Variants in TDRD5 observed in about 807,000 individuals in gnomAD.
The protein encoded by TDRD5 is tudor domain containing 5, also known as tudor domain-containing protein 5.
Under a neutral mutation model 120.6 loss-of-function variants are expected in TDRD5, and 41 were observed. The ratio of observed to expected loss-of-function variants is 0.34; its 90% CI spans 0.26 to 0.44. The LOEUF (loss-of-function observed/expected upper bound fraction) is 0.44. Among genes scored for constraint, TDRD5 ranks in the 20% least tolerant of loss-of-function variants. TDRD5 has a pLI of 1.00. For synonymous variants in TDRD5, 430 were observed against 433.7 expected (o/e 0.99, Z 0.11); for missense variants, 1,006 against 1,221.2 (o/e 0.82, Z 2.63).
At chr1:179,688,628 C>A (rs556266079) in intron 17 of TDRD5, among the ~76,000 whole-genome samples, 74 of 152,268 alleles carry the variant, frequency 4.9e-4, no homozygotes, top group Admixed American at 8.5e-4. Flanking sequence ...TGGATAATAT[C>A]CTGCAGAGTG....
chr1:179,637,743 T>C (rs913952291), intron 9 of TDRD5, among the ~76,000 whole-genome samples: 12 of 151,824 alleles, frequency 7.9e-5, no homozygotes, highest in South Asian at 2.1e-4. Flanking sequence ...CTGTAACTAC[T>C]GTGTGCTTCG....
intron 10 of TDRD5, 143 bp from the exon 11 acceptor site, chr1:179,640,236 C>G (rs1370616651): frequency 1.8e-6 from 2 of 1,081,628 alleles, no homozygotes; most frequent in Non-Finnish European, 2.7e-6. Flanking sequence ...CTTGTGTTAT[C>G]TTTTACATGA....
At chr1:179,677,358 G>C (rs1358756585) in intron 17 of TDRD5, among the ~76,000 whole-genome samples, 2 of 152,044 alleles carry the variant, frequency 1.3e-5, no homozygotes, top group Admixed American at 1.3e-4. Flanking sequence ...TGGCAATTCA[G>C]AGATTTCATC....
At chr1:179,644,567 T>C (rs1262072580) in intron 11 of TDRD5, among the ~76,000 whole-genome samples, 1 of 152,164 alleles carries the variant, frequency 6.6e-6, no homozygotes, top group Non-Finnish European at 1.5e-5. Context: ...AATTAAAATG[T>C]AGTATTTATA....
At position 179,652,214 on chromosome 1, in the gene TDRD5, A is replaced by G; in HGVS notation, c.2160+17A>G. On this transcript the variant is annotated intron_variant, in intron 13 of 17. Transcript: ENST00000444136. The stretch of plus-strand genomic sequence containing the variant: ...CGTATCTTGGTAAGAGATTTTTGCA[A>G]ATACTATTATAATTCTTTTTATTAC... The G allele has an allele frequency of 6.3e-7, 1 of 1,589,580 alleles. No individual in the cohort carries two copies. Among genetic ancestry groups the G allele is most frequent in the Non-Finnish European group, 8.5e-7 (1 of 1,173,078 alleles).
In TDRD5 at chr1:179,650,854, G is replaced by A. The variant is rs770678156; in HGVS notation, c.1801-13G>A. On this transcript the variant is annotated splice_polypyrimidine_tract_variant and intron_variant, in intron 11 of 17. Transcript: ENST00000444136. ...ATCTATCACCTGAATCCAATATCTT[G>A]ATCATATTTCAGGAACACTGGACAT... is the stretch of plus-strand genomic sequence containing the variant. 8 of 1,613,612 alleles carry A rather than the reference G, an allele frequency of 5.0e-6. No homozygotes were observed. In the Middle Eastern group the frequency reaches 4.9e-4, roughly 99 times the overall value.
intron 4 of TDRD5, among the ~76,000 whole-genome samples, chr1:179,607,061 A>G (rs1258792113): frequency 6.6e-6 from 1 of 152,138 alleles, no homozygotes; most frequent in African/African-American, 2.4e-5. Flanking sequence ...GAGTTTTTCT[A>G]TCCATGAACA....
chr1:179,676,126 T>G (rs910133728), intron 17 of TDRD5, among the ~76,000 whole-genome samples: 2 of 152,248 alleles, frequency 1.3e-5, no homozygotes, highest in Admixed American at 1.3e-4. Flanking sequence ...CTTTTTTAAC[T>G]GCAGCTGCTT....
At chr1:179,610,038 G>A (rs1676201278) in intron 4 of TDRD5, among the ~76,000 whole-genome samples, 1 of 152,150 alleles carries the variant, frequency 6.6e-6, no homozygotes, top group South Asian at 2.1e-4. Flanking sequence ...TGGGCAGGGT[G>A]TAGGAGGGGT....
chr1:179,639,596 T>C (rs942862245), intron 9 of TDRD5, among the ~76,000 whole-genome samples: 18 of 152,180 alleles, frequency 1.2e-4, no homozygotes, highest in African/African-American at 4.3e-4. Context: ...GTACATTCTA[T>C]CCAGCAGAGA....
intron 17 of TDRD5, among the ~76,000 whole-genome samples, chr1:179,677,921 ACTCAGGTTT>A (rs1680221468): frequency 6.6e-6 from 1 of 152,266 alleles, no homozygotes; most frequent in Middle Eastern, 3.4e-3. Flanking sequence ...CTGGTTAAGT[ACTCAGGTTT>A]CTCAGGCAGT....
chr1:179,630,743 G>A (rs1413744245), intron 6 of TDRD5, 24 bp from the exon 7 acceptor site: 1 of 1,609,096 alleles, frequency 6.2e-7, no homozygotes, highest in African/African-American at 1.3e-5. Context: ...GCTGTTTCAT[G>A]TAATTTCTAT....
Position 179,638,679 on chromosome 1 carries a change from C to T in TDRD5, c.1521-1160C>T, listed in dbSNP as rs1677893576. On this transcript the variant is annotated intron_variant, in intron 9 of 17. Coordinates refer to ENST00000444136, the MANE Select transcript of TDRD5 (RefSeq NM_001199085.3). Reference sequence around the variant, plus strand: ...TCACGTGGTCTTGGGTGTGGCTGACCACTACCACCACCCAGTCATCCTGCC... The same window carrying T: ...TCACGTGGTCTTGGGTGTGGCTGACTACTACCACCACCCAGTCATCCTGCC... Among the ~76,000 whole-genome samples, 2 of 126,854 alleles carry T rather than the reference C, an allele frequency of 1.6e-5. 1 individual carries two copies. Among genetic ancestry groups the T allele is most frequent in the Admixed American group, 1.7e-4 (2 of 11,538 alleles). The allele number at this position is 126,854 out of a possible 152,430, so 83.2% of individuals were successfully genotyped here.
In TDRD5 at chr1:179,690,816, GCCAGATTTCTCAGAAGCTCTACA is replaced by G; in HGVS notation, c.2982_3004del (p.Gln995SerfsTer51). On this transcript the variant is annotated frameshift_variant, in exon 18 of 18. Transcript: ENST00000444136. LOFTEE classifies it high-confidence loss of function. ...CTGTCTTTGATTTTGTCTTATGAGTGCCAGATTTCTCAGAAGCTCTACATTCCTCGAAGTACAGCCACTGCTGC... is the reference window on the plus strand; with the variant it reads ...CTGTCTTTGATTTTGTCTTATGAGTGTTCCTCGAAGTACAGCCACTGCTGC... 1 of 1,614,232 alleles carries G rather than the reference GCCAGATTTCTCAGAAGCTCTACA, an allele frequency of 6.2e-7. No homozygotes were observed.
intron 14 of TDRD5, among the ~76,000 whole-genome samples, chr1:179,660,708 T>C (rs2102095407): frequency 1.3e-5 from 2 of 152,304 alleles, no homozygotes; most frequent in African/African-American, 2.4e-5. Flanking sequence ...TAGTTTTTGC[T>C]TTCCATCTTC....
At chr1:179,641,064 A>G (rs1678018482) in intron 11 of TDRD5, among the ~76,000 whole-genome samples, 2 of 152,132 alleles carry the variant, frequency 1.3e-5, no homozygotes, top group Non-Finnish European at 2.9e-5. Flanking sequence ...TCATGTATGT[A>G]GGTGCATTTA....
intron 6 of TDRD5, among the ~76,000 whole-genome samples, chr1:179,623,497 T>A (rs1294838400): frequency 6.6e-6 from 1 of 152,146 alleles, no homozygotes; most frequent in African/African-American, 2.4e-5. Context: ...TTTGAAGTGG[T>A]ACAGTAGGAC....
At chr1:179,625,478 C>G (rs557440710) in intron 6 of TDRD5, among the ~76,000 whole-genome samples, 1 of 152,218 alleles carries the variant, frequency 6.6e-6, no homozygotes, top group African/African-American at 2.4e-5. Context: ...AATAGAAAGC[C>G]AAACAATTCT....
At chr1:179,678,782 C>T (rs898212520) in intron 17 of TDRD5, among the ~76,000 whole-genome samples, 2 of 151,974 alleles carry the variant, frequency 1.3e-5, no homozygotes, top group African/African-American at 4.8e-5. Flanking sequence ...GTTCTAATAG[C>T]TCTTTTGGGA....
Sources: allele counts gnomAD v4.1 joint callset (sites outside exome capture counted in the v4.1 genomes callset), GRCh38; gene constraint gnomAD v4.1.1; transcripts MANE v1.5; gene names NCBI Gene and HGNC (gene_info 2026-07-23, HGNC 2026-07-21).